GRM7: variants seen among roughly 807,000 people sequenced by gnomAD.
GRM7 encodes metabotropic glutamate receptor 7.
GRM7 carries 35 observed loss-of-function variants against 84.5 expected under a neutral mutation model. The ratio of observed to expected loss-of-function variants is 0.41; its 90% CI spans 0.32 to 0.55. GRM7 has a LOEUF of 0.55. GRM7 is among the 20% of genes least tolerant of loss of function. GRM7 has a pLI of 0.19. For synonymous variants in GRM7, 487 were observed against 455.1 expected (o/e 1.07, Z -0.89); for missense variants, 1,003 against 1,194.6 (o/e 0.84, Z 2.36).
chr3:7,310,492 G>A (rs1286302603), intron 4 of GRM7, among the ~76,000 whole-genome samples: 1 of 152,114 alleles, frequency 6.6e-6, no homozygotes, highest in East Asian at 1.9e-4. Flanking sequence ...CCCTACTTTA[G>A]CTTCTCTTGA....
chr3:7,282,834 T>C (rs1314782299), intron 2 of GRM7, among the ~76,000 whole-genome samples: 1 of 152,194 alleles, frequency 6.6e-6, no homozygotes, highest in Non-Finnish European at 1.5e-5. Context: ...CAGTACCCTT[T>C]TATTAAGATC....
intron 9 of GRM7, among the ~76,000 whole-genome samples, chr3:7,706,996 A>AT (rs34934343): frequency 0.43 from 65,436 of 151,926 alleles, 14,243 homozygotes; most frequent in East Asian, 0.68. Context: ...AACATCAAAA[A>AT]AAATGATTTA....
At chr3:7,712,454 C>T (rs1701614046) in intron 9 of GRM7, among the ~76,000 whole-genome samples, 1 of 152,002 alleles carries the variant, frequency 6.6e-6, no homozygotes, top group South Asian at 2.1e-4. Context: ...CTTACCCTTG[C>T]ACTTTTTTGT....
intron 1 of GRM7, among the ~76,000 whole-genome samples, chr3:6,957,926 A>T (rs1026538762): frequency 2.0e-5 from 3 of 152,238 alleles, no homozygotes; most frequent in Non-Finnish European, 4.4e-5. Flanking sequence ...GACTGTTATA[A>T]TATAACGTAG....
At position 7,697,881 on chromosome 3, in the gene GRM7, G is replaced by C. The variant is rs149541946; in HGVS notation, c.2698+17586G>C. Among the ~76,000 whole-genome samples, 5 of 152,306 alleles carry C rather than the reference G, an allele frequency of 3.3e-5. No individual in the cohort carries two copies. In the East Asian group the frequency reaches 9.7e-4, roughly 29 times the overall value. On this transcript the variant is annotated intron_variant, in intron 9 of 9. Transcript: ENST00000357716. The stretch of plus-strand genomic sequence containing the variant: ...CTATTAAGGAGGTTCCACCATTACT[G>C]TAGGGGTTATAAAGACACTGCAAAT...
At chr3:7,329,215 T>A (rs1701103560) in intron 4 of GRM7, among the ~76,000 whole-genome samples, 1 of 152,166 alleles carries the variant, frequency 6.6e-6, no homozygotes. Flanking sequence ...ACCTTGTTAC[T>A]TCACTACTGC....
intron 4 of GRM7, among the ~76,000 whole-genome samples, chr3:7,340,027 A>G (rs1038111762): frequency 6.6e-6 from 1 of 152,120 alleles, no homozygotes; most frequent in African/African-American, 2.4e-5. Flanking sequence ...GAGTATAGTA[A>G]TATTATTATA....
chr3:7,206,784 A>G (rs1696254810), intron 2 of GRM7, among the ~76,000 whole-genome samples: 1 of 152,174 alleles, frequency 6.6e-6, no homozygotes, highest in Non-Finnish European at 1.5e-5. Flanking sequence ...AAGGTGATGT[A>G]AAGGAAATGT....
chr3:7,617,092 T>C (rs1697121062), intron 8 of GRM7, among the ~76,000 whole-genome samples: 1 of 152,122 alleles, frequency 6.6e-6, no homozygotes, highest in Admixed American at 6.6e-5. Context: ...GATAAATGGC[T>C]TTACCCATTT....
In GRM7 at chr3:7,006,548, C is replaced by A. The variant is rs565890147; in HGVS notation, c.520-139904C>A. Among the ~76,000 whole-genome samples the A allele has an allele frequency of 7.2e-5, 11 of 152,214 alleles. No homozygotes were observed. In the South Asian group the frequency reaches 2.3e-3, roughly 32 times the overall value. On this transcript the variant is annotated intron_variant, in intron 1 of 9. Coordinates refer to ENST00000357716, the MANE Select transcript of GRM7 (RefSeq NM_000844.4). Reference sequence around the variant, plus strand: ...CCCAAAGAAAAAGTTATTGTTTTGCCATAGTAATAATATAAGTCTTTGTGG... The same window carrying A: ...CCCAAAGAAAAAGTTATTGTTTTGCAATAGTAATAATATAAGTCTTTGTGG...
intron 8 of GRM7, among the ~76,000 whole-genome samples, chr3:7,639,377 G>A (rs955011800): frequency 6.6e-6 from 1 of 152,146 alleles, no homozygotes; most frequent in South Asian, 2.1e-4. Flanking sequence ...GATGATCTAA[G>A]TGTAATTCCC....
chr3:7,449,329 A>T (rs1697667534), intron 5 of GRM7, among the ~76,000 whole-genome samples: 1 of 152,140 alleles, frequency 6.6e-6, no homozygotes, highest in Non-Finnish European at 1.5e-5. Flanking sequence ...GAGAAGCAAA[A>T]GTAGACTTGA....
chr3:7,642,647 A>G (rs1015418311), intron 8 of GRM7, among the ~76,000 whole-genome samples: 1 of 152,180 alleles, frequency 6.6e-6, no homozygotes, highest in Non-Finnish European at 1.5e-5. Flanking sequence ...TACCAAGGTA[A>G]GTGAAGTATC....
chr3:7,492,044 A>G (rs868778135), intron 7 of GRM7, among the ~76,000 whole-genome samples: 1 of 152,188 alleles, frequency 6.6e-6, no homozygotes, highest in African/African-American at 2.4e-5. Context: ...CCAGCCTTGC[A>G]TACCTAGAAG....
intron 2 of GRM7, among the ~76,000 whole-genome samples, chr3:7,217,048 A>G (rs1025342555): frequency 3.3e-5 from 5 of 152,172 alleles, no homozygotes; most frequent in African/African-American, 4.8e-5. Context: ...GCATACCTTG[A>G]AGGTAGTTTG....
intron 6 of GRM7, among the ~76,000 whole-genome samples, chr3:7,458,426 G>T (rs1034404546): frequency 6.6e-6 from 1 of 152,134 alleles, no homozygotes; most frequent in African/African-American, 2.4e-5. Context: ...GAAGTTCATG[G>T]ATGCTGTTAA....
intron 9 of GRM7, among the ~76,000 whole-genome samples, chr3:7,684,477 C>T (rs932066715): frequency 3.9e-5 from 6 of 152,204 alleles, no homozygotes; most frequent in Non-Finnish European, 8.8e-5. Flanking sequence ...AGTGTTTTCA[C>T]TTTTAACAGC....
intron 1 of GRM7, among the ~76,000 whole-genome samples, chr3:7,059,849 A>G (rs1697370589): frequency 6.6e-6 from 1 of 151,848 alleles, no homozygotes; most frequent in Non-Finnish European, 1.5e-5. Flanking sequence ...CTCCAGACAC[A>G]GAATCTGCTA....
At chr3:7,623,011 C>A (rs891515307) in intron 8 of GRM7, among the ~76,000 whole-genome samples, 1 of 152,172 alleles carries the variant, frequency 6.6e-6, no homozygotes, top group Non-Finnish European at 1.5e-5. Context: ...CACTCCTGCT[C>A]TCCAAATGCC....
Sources: gnomAD v4.1 joint callset for allele counts (sites outside exome capture counted in the v4.1 genomes callset) on GRCh38, gnomAD v4.1.1 for gene constraint, MANE v1.5 for transcripts, NCBI Gene and HGNC (gene_info 2026-07-23, HGNC 2026-07-21) for gene names.